The following IGF1R variants were observed in gnomAD, a reference collection of about 807,000 sequenced individuals.
The protein encoded by IGF1R is insulin like growth factor 1 receptor, also known as insulin-like growth factor 1 receptor.
In IGF1R, 44 loss-of-function variants were observed where a neutral mutation model predicts 144.6. The observed-to-expected ratio is 0.30, with a 90% CI of 0.24 to 0.39. IGF1R has a LOEUF of 0.39. IGF1R is among the 10% of genes least tolerant of loss of function. IGF1R has a pLI of 1.00. For missense variants in IGF1R, 1,355 were observed against 1,833.7 expected (o/e 0.74, Z 4.77); for synonymous variants, 795 against 722.8 (o/e 1.10, Z -1.60).
intron 2 of IGF1R, among the ~76,000 whole-genome samples, chr15:98,744,762 G>GTT (rs202049996): frequency 1.4e-5 from 2 of 146,094 alleles, no homozygotes; most frequent in South Asian, 2.2e-4. Flanking sequence ...AAACTGCTCT[G>GTT]TTTTTTTTTT....
At chr15:98,790,678 G>A (rs566920729) in intron 2 of IGF1R, among the ~76,000 whole-genome samples, 24 of 152,308 alleles carry the variant, frequency 1.6e-4, no homozygotes, top group African/African-American at 5.5e-4. Flanking sequence ...GACTCAACCA[G>A]AGTCTTCCCT....
intron 2 of IGF1R, among the ~76,000 whole-genome samples, chr15:98,860,584 C>G (rs2012095430): frequency 6.6e-6 from 1 of 152,194 alleles, no homozygotes; most frequent in Non-Finnish European, 1.5e-5. Flanking sequence ...TTAGTCATTT[C>G]TGGCCAACTT....
rs1596494893 is a variant in IGF1R, at chr15:98,957,715, G to C, written c.*273G>C. 2 of 535,844 alleles carry C rather than the reference G, an allele frequency of 3.7e-6. No individual in the cohort carries two copies. The highest frequency in any genetic ancestry group is 3.2e-5 in the East Asian group (1 of 31,714). 33.2% of individuals were successfully genotyped at this position (535,844 alleles called of 1,614,324 possible). ...TTAATGACAACACTTAATAGCAACA[G>C]AGCACTTGAGAACCAGTCTCCTCAC... On this transcript the variant is annotated 3_prime_UTR_variant, in exon 21 of 21. Transcript: ENST00000650285.
chr15:98,668,265 T>C (rs1388517369), intron 1 of IGF1R, among the ~76,000 whole-genome samples: 1 of 152,120 alleles, frequency 6.6e-6, no homozygotes, highest in Admixed American at 6.5e-5. Context: ...CAGATACCAC[T>C]GAAGGTATCT....
At chr15:98,865,460 G>C (rs552792152) in intron 2 of IGF1R, among the ~76,000 whole-genome samples, 2 of 152,168 alleles carry the variant, frequency 1.3e-5, no homozygotes, top group African/African-American at 4.8e-5. Flanking sequence ...GGTGGGGCTC[G>C]GCGTGCATAG....
At chr15:98,782,726 G>A (rs117333529) in intron 2 of IGF1R, among the ~76,000 whole-genome samples, 2,805 of 152,272 alleles carry the variant, frequency 0.018, 61 homozygotes, top group Admixed American at 0.063. Flanking sequence ...TCTTGGGTAT[G>A]CATTCTTTTA....
Position 98,715,468 on chromosome 15 carries a change from A to C in IGF1R, c.640+7361A>C, listed in dbSNP as rs2054091370. Among the ~76,000 whole-genome samples, 2 of 152,030 alleles carry C rather than the reference A, an allele frequency of 1.3e-5. 1 individual carries two copies. Among genetic ancestry groups the C allele is most frequent in the Admixed American group, 1.3e-4 (2 of 15,268 alleles). On this transcript the variant is annotated intron_variant, in intron 2 of 20. Coordinates refer to ENST00000650285, the MANE Select transcript of IGF1R (RefSeq NM_000875.5). ...AGCCCCTTCAGCTCTCACCAGTTAA[A>C]CCTATTTGTACAATTGTTCTGGTTT...
chr15:98,683,264 C>T (rs1398612882), intron 1 of IGF1R, among the ~76,000 whole-genome samples: 2 of 152,112 alleles, frequency 1.3e-5, no homozygotes, highest in South Asian at 2.1e-4. Context: ...AGCGCCTTTT[C>T]ACGGATACAC....
At chr15:98,706,856 C>G (rs2053876344) in intron 1 of IGF1R, among the ~76,000 whole-genome samples, 1 of 149,198 alleles carries the variant, frequency 6.7e-6, no homozygotes, top group Admixed American at 6.7e-5. Context: ...TACCTCTAAA[C>G]TCTGTAGGAA....
intron 2 of IGF1R, among the ~76,000 whole-genome samples, chr15:98,757,379 G>A (rs2055180892): frequency 6.6e-6 from 1 of 152,072 alleles, no homozygotes; most frequent in African/African-American, 2.4e-5. Flanking sequence ...GGCCAGGCTG[G>A]TCTCAAACTC....
At chr15:98,872,684 C>T (rs1190674431) in intron 2 of IGF1R, among the ~76,000 whole-genome samples, 1 of 152,182 alleles carries the variant, frequency 6.6e-6, no homozygotes, top group African/African-American at 2.4e-5. Flanking sequence ...ACACAGCAGC[C>T]AATAAATGAC....
At chr15:98,735,565 C>T (rs746748216) in intron 2 of IGF1R, among the ~76,000 whole-genome samples, 1 of 152,222 alleles carries the variant, frequency 6.6e-6, no homozygotes, top group Non-Finnish European at 1.5e-5. Flanking sequence ...TCTGATGTGC[C>T]AGCCCAGGCC....
intron 3 of IGF1R, among the ~76,000 whole-genome samples, chr15:98,895,222 C>CCACACA (rs10704966): frequency 5.4e-4 from 77 of 143,404 alleles, no homozygotes; most frequent in African/African-American, 1.1e-3. Flanking sequence ...TGACACAGCA[C>CCACACA]CACACACACA....
intron 1 of IGF1R, among the ~76,000 whole-genome samples, chr15:98,652,504 T>G (rs896818600): frequency 2.0e-5 from 3 of 152,198 alleles, no homozygotes; most frequent in Non-Finnish European, 4.4e-5. Flanking sequence ...AATGGTGTTT[T>G]GTGGAAGGGT....
intron 1 of IGF1R, among the ~76,000 whole-genome samples, chr15:98,697,261 C>A (rs898509816): frequency 1.3e-5 from 2 of 152,144 alleles, no homozygotes; most frequent in Non-Finnish European, 2.9e-5. Flanking sequence ...TGGCTTCTGC[C>A]CTTGAAACAT....
chr15:98,808,389 G>GT (rs1444666003), intron 2 of IGF1R, among the ~76,000 whole-genome samples: 2 of 152,136 alleles, frequency 1.3e-5, no homozygotes, highest in African/African-American at 4.8e-5. Context: ...GTTTCACTTT[G>GT]TTTTTTAATA....
intron 2 of IGF1R, among the ~76,000 whole-genome samples, chr15:98,753,366 A>G (rs1388425925): frequency 7.9e-6 from 1 of 125,816 alleles, no homozygotes; most frequent in Non-Finnish European, 1.6e-5. Context: ...ACAAGTATGC[A>G]CCACCATACC....
Position 98,690,583 on chromosome 15 carries a change from A to T in IGF1R, c.95-16979A>T, listed in dbSNP as rs118097346. Among the ~76,000 whole-genome samples the T allele has an allele frequency of 6.5e-3, 987 of 152,328 alleles. 33 individuals carry two copies. In the South Asian group the frequency reaches 0.072, roughly 11 times the overall value. ...TTGGCTCTCTTCCTATAGCAGAATG[A>T]TCTTTGTTTTTAAAATGATTTTAAG... On this transcript the variant is annotated intron_variant, in intron 1 of 20. Coordinates refer to ENST00000650285, the MANE Select transcript of IGF1R (RefSeq NM_000875.5).
chr15:98,756,009 A>T (rs1484652778), intron 2 of IGF1R, among the ~76,000 whole-genome samples: 1 of 152,136 alleles, frequency 6.6e-6, no homozygotes, highest in Non-Finnish European at 1.5e-5. Context: ...GCATTCCTGG[A>T]ATAAGCCCTA....
Sources: allele counts gnomAD v4.1 joint callset (sites outside exome capture counted in the v4.1 genomes callset), GRCh38; gene constraint gnomAD v4.1.1; transcripts MANE v1.5; gene names NCBI Gene and HGNC (gene_info 2026-07-23, HGNC 2026-07-21).